The following TRPC7 variants were observed in gnomAD, a reference collection of about 807,000 sequenced individuals.
The protein encoded by TRPC7 is short transient receptor potential channel 7.
Under a neutral mutation model 90.1 loss-of-function variants are expected in TRPC7, and 42 were observed. The observed-to-expected ratio is 0.47, with a 90% confidence interval of 0.36 to 0.60. The LOEUF is 0.60. Among genes scored for constraint, TRPC7 ranks in the 20% least tolerant of loss-of-function variants. The pLI, the probability that TRPC7 is intolerant of heterozygous loss-of-function variation, is 0.00. For missense variants in TRPC7, 955 were observed against 1,112.3 expected (o/e 0.86, Z 2.01); for synonymous variants, 451 against 436.3 (o/e 1.03, Z -0.42).
intron 11 of TRPC7, among the ~76,000 whole-genome samples, chr5:136,215,616 T>C (rs1359108646): frequency 2.6e-5 from 4 of 151,302 alleles, no homozygotes; most frequent in Non-Finnish European, 5.9e-5. Flanking sequence ...AGGTCAGGAG[T>C]TCGAGACCAG....
chr5:136,270,183 C>T (rs991371449), intron 4 of TRPC7, among the ~76,000 whole-genome samples: 5 of 152,186 alleles, frequency 3.3e-5, no homozygotes, highest in African/African-American at 1.2e-4. Context: ...TGTGCGCGCA[C>T]ACGTGGGCGG....
At chr5:136,238,514 C>G (rs1756062271) in intron 7 of TRPC7, among the ~76,000 whole-genome samples, 1 of 152,240 alleles carries the variant, frequency 6.6e-6, no homozygotes, top group South Asian at 2.1e-4. Flanking sequence ...CAAGCTAACC[C>G]TGGACATTGC....
intron 3 of TRPC7, among the ~76,000 whole-genome samples, chr5:136,309,789 A>G (rs1360394198): frequency 6.6e-6 from 1 of 152,218 alleles, no homozygotes; most frequent in Non-Finnish European, 1.5e-5. Flanking sequence ...TACTTTTGTT[A>G]AAAGCCACTA....
At chr5:136,294,962 A>G (rs1002206207) in intron 3 of TRPC7, among the ~76,000 whole-genome samples, 6 of 152,220 alleles carry the variant, frequency 3.9e-5, no homozygotes, top group South Asian at 2.1e-4. Context: ...TGCAGCCATA[A>G]AAAGGATGAG....
At chr5:136,224,611 G>A (rs1011089704) in intron 10 of TRPC7, among the ~76,000 whole-genome samples, 3 of 152,190 alleles carry the variant, frequency 2.0e-5, no homozygotes, top group African/African-American at 7.2e-5. Flanking sequence ...CTGAATGACT[G>A]TCACATCCTC....
At chr5:136,312,371 T>A (rs774169901) in intron 3 of TRPC7, among the ~76,000 whole-genome samples, 1 of 152,062 alleles carries the variant, frequency 6.6e-6, no homozygotes, top group Non-Finnish European at 1.5e-5. Flanking sequence ...AACCCTAGAG[T>A]CCCAAGAAAG....
intron 5 of TRPC7, among the ~76,000 whole-genome samples, chr5:136,265,560 T>G (rs925576864): frequency 1.3e-5 from 2 of 152,202 alleles, no homozygotes; most frequent in Non-Finnish European, 2.9e-5. Flanking sequence ...CCAGTTTTAT[T>G]TTGTTCTGAT....
intron 11 of TRPC7, among the ~76,000 whole-genome samples, chr5:136,213,886 G>C (rs1258064416): frequency 1.3e-5 from 2 of 152,320 alleles, no homozygotes; most frequent in East Asian, 3.9e-4. Context: ...GCTGTGAATT[G>C]TGTCTAGCAC....
At chr5:136,293,551 G>A (rs1039263477) in intron 3 of TRPC7, among the ~76,000 whole-genome samples, 1 of 152,144 alleles carries the variant, frequency 6.6e-6, no homozygotes, top group Non-Finnish European at 1.5e-5. Flanking sequence ...TTGCTTCAAA[G>A]AGAATAAAAT....
intron 2 of TRPC7, among the ~76,000 whole-genome samples, chr5:136,340,851 A>G (rs1470821168): frequency 1.3e-5 from 2 of 152,236 alleles, no homozygotes; most frequent in Non-Finnish European, 2.9e-5. Context: ...AGAAAAAGAA[A>G]TACAAATGAA....
chr5:136,305,163 G>C (rs1234919337), intron 3 of TRPC7, among the ~76,000 whole-genome samples: 2 of 152,092 alleles, frequency 1.3e-5, no homozygotes, highest in Non-Finnish European at 2.9e-5. Context: ...ACTTCAATCT[G>C]GCTTCCCATA....
In TRPC7 at chr5:136,356,625, T is replaced by A; in HGVS notation, c.763A>T (p.Ile255Phe). 1.9e-6 allele frequency: 3 copies of A among 1,539,078 alleles called. No homozygotes were observed. The highest frequency in any genetic ancestry group is 2.6e-6 in the Non-Finnish European group (3 of 1,142,622). ...LSNELARLAN[I>F]ETEFKNDYRK... ...AGAGTTACCTTAAATTCAGTCTCAATGTTGGCTAGTCTGGCTAACTCGTTG... is the reference window on the plus strand; with the variant it reads ...AGAGTTACCTTAAATTCAGTCTCAAAGTTGGCTAGTCTGGCTAACTCGTTG... Residue 255 changes from isoleucine (I) to phenylalanine (F), a missense_variant, in exon 2 of 12, where the codon ATT becomes TTT. Coordinates refer to ENST00000513104, the MANE Select transcript of TRPC7 (RefSeq NM_020389.3).
At chr5:136,282,477 C>T (rs1483600084) in intron 3 of TRPC7, among the ~76,000 whole-genome samples, 2 of 152,130 alleles carry the variant, frequency 1.3e-5, no homozygotes, top group African/African-American at 4.8e-5. Flanking sequence ...AAAATTCAGT[C>T]TATCTCCTGT....
chr5:136,250,608 ATAAG>A (rs1756488484), intron 6 of TRPC7, among the ~76,000 whole-genome samples: 1 of 152,246 alleles, frequency 6.6e-6, no homozygotes, highest in African/African-American at 2.4e-5. Context: ...TTATTTTAAA[ATAAG>A]TAAGCAGATA....
At chr5:136,356,136 C>T (rs1270385553) in intron 2 of TRPC7, among the ~76,000 whole-genome samples, 1 of 152,196 alleles carries the variant, frequency 6.6e-6, no homozygotes, top group African/African-American at 2.4e-5. Context: ...GCAGCCAGGT[C>T]TTCCTATTAG....
At chr5:136,277,853 C>G (rs780779403) in intron 3 of TRPC7, among the ~76,000 whole-genome samples, 1 of 152,202 alleles carries the variant, frequency 6.6e-6, no homozygotes, top group Non-Finnish European at 1.5e-5. Context: ...GAACATGGCA[C>G]ACTTTTAGGA....
intron 2 of TRPC7, among the ~76,000 whole-genome samples, chr5:136,320,017 C>T (rs560172651): frequency 1.7e-4 from 26 of 152,220 alleles, no homozygotes; most frequent in Admixed American, 1.6e-3. Flanking sequence ...GTATCTTTCA[C>T]CCACCTTTCT....
At chr5:136,293,417 AAGCT>A (rs1758036906) in intron 3 of TRPC7, among the ~76,000 whole-genome samples, 1 of 152,214 alleles carries the variant, frequency 6.6e-6, no homozygotes, top group Admixed American at 6.5e-5. Context: ...AAATCTCCTT[AAGCT>A]GATAAGCAAC....
At chr5:136,341,988 G>A (rs968882591) in intron 2 of TRPC7, among the ~76,000 whole-genome samples, 2 of 152,014 alleles carry the variant, frequency 1.3e-5, no homozygotes, top group African/African-American at 4.8e-5. Context: ...GCTCCCTCTT[G>A]TTGATCCTTA....
Sources: gnomAD v4.1 joint callset for allele counts (sites outside exome capture counted in the v4.1 genomes callset) on GRCh38, gnomAD v4.1.1 for gene constraint, MANE v1.5 for transcripts, NCBI Gene and HGNC (gene_info 2026-07-23, HGNC 2026-07-21) for gene names.